Variants in BRDT observed in about 807,000 individuals in gnomAD.
BRDT encodes bromodomain testis associated, also known as bromodomain testis-specific protein.
In BRDT, 77 loss-of-function variants were observed where a neutral mutation model predicts 113.9. The observed-to-expected ratio is 0.68, with a 90% CI of 0.56 to 0.82. BRDT has a LOEUF of 0.82. BRDT is among the 40% of genes least tolerant of loss of function. The pLI, the probability that BRDT is intolerant of heterozygous loss-of-function variation, is 0.00. For synonymous variants in BRDT, 358 were observed against 366.5 expected (o/e 0.98, Z 0.26); for missense variants, 1,027 against 1,105.4 (o/e 0.93, Z 1.01).
chr1:91,967,881 G>A (rs920163305), intron 3 of BRDT, among the ~76,000 whole-genome samples: 2 of 152,182 alleles, frequency 1.3e-5, no homozygotes, highest in Non-Finnish European at 2.9e-5. Context: ...TGCTTGGATT[G>A]TAATTCTTTA....
At chr1:91,990,200 G>A (rs1685634839) in intron 12 of BRDT, among the ~76,000 whole-genome samples, 1 of 152,194 alleles carries the variant, frequency 6.6e-6, no homozygotes, top group Non-Finnish European at 1.5e-5. Flanking sequence ...CTCTTTTTAT[G>A]TCTGCTTCTA....
Position 91,977,348 on chromosome 1 carries a change from C to A in BRDT, c.924C>A (p.Asn308Lys). The change falls in exon 6 of 19, where the codon AAC (asparagine) becomes AAA (lysine). Residue 308 changes from asparagine (N) to lysine (K), a missense_variant. Transcript: ENST00000399546. ...ACGTTAATGCTTTGGGACTCCATAACTACTATGACGTTGTCAAAAATCCGA... is the reference window on the plus strand; with the variant it reads ...ACGTTAATGCTTTGGGACTCCATAAATACTATGACGTTGTCAAAAATCCGA... ...PVDVNALGLH[N>K]YYDVVKNPMD... The A allele has an allele frequency of 2.5e-6, 4 of 1,610,330 alleles. No individual in the cohort carries two copies. The highest frequency in any genetic ancestry group is 3.4e-6 in the Non-Finnish European group (4 of 1,178,844).
chr1:91,969,142 A>G (rs904720965), intron 4 of BRDT, among the ~76,000 whole-genome samples: 13 of 151,590 alleles, frequency 8.6e-5, no homozygotes, highest in African/African-American at 1.5e-4. Flanking sequence ...GGGTTTCACC[A>G]TGTTAGCCAG....
In BRDT at chr1:92,000,215, A is replaced by G. The variant is rs545853051; in HGVS notation, c.2288-1834A>G. ...TTTAATCCTTCCTCTTTAATTGTCAATAATGGCACTATCACCACTTACCAA... is the reference window on the plus strand; with the variant it reads ...TTTAATCCTTCCTCTTTAATTGTCAGTAATGGCACTATCACCACTTACCAA... On this transcript the variant is annotated intron_variant, in intron 15 of 18. Coordinates refer to ENST00000399546, the MANE Select transcript of BRDT (RefSeq NM_207189.4). 7.2e-5 allele frequency among the ~76,000 whole-genome samples: 11 copies of G among 152,326 alleles called. No homozygotes were observed. In the East Asian group the frequency reaches 1.9e-3, roughly 27 times the overall value.
intron 4 of BRDT, among the ~76,000 whole-genome samples, chr1:91,970,792 C>G (rs1048877110): frequency 6.6e-6 from 1 of 151,654 alleles, no homozygotes; most frequent in Non-Finnish European, 1.5e-5. Context: ...ACTTGTAGTT[C>G]CAGCTCCTCA....
At chr1:91,994,331 C>A in intron 15 of BRDT, 77 bp downstream of exon 15, 1 of 1,174,846 alleles carries the variant, frequency 8.5e-7, no homozygotes, top group Non-Finnish European at 1.2e-6. Flanking sequence ...ATGTTATGGT[C>A]ATCTTAAATG....
intron 4 of BRDT, among the ~76,000 whole-genome samples, chr1:91,973,246 G>T (rs1481615789): frequency 6.6e-6 from 1 of 152,186 alleles, no homozygotes; most frequent in Non-Finnish European, 1.5e-5. Context: ...TTTGGCTTAG[G>T]ATTGACTTGG....
intron 1 of BRDT, among the ~76,000 whole-genome samples, chr1:91,956,523 G>A (rs1352499861): frequency 2.0e-5 from 3 of 152,172 alleles, no homozygotes; most frequent in Admixed American, 1.3e-4. Context: ...CACTTGAAAT[G>A]TGGCTAAGTT....
chr1:91,986,991 G>A (rs562242706), intron 12 of BRDT, among the ~76,000 whole-genome samples: 1 of 151,850 alleles, frequency 6.6e-6, no homozygotes, highest in Non-Finnish European at 1.5e-5. Context: ...AGGCTGGAGG[G>A]CAGTGGCTCG....
chr1:91,996,347 C>T lies in BRDT; in HGVS notation c.2287+2093C>T, dbSNP rs542047117. On this transcript the variant is annotated intron_variant, in intron 15 of 18. Transcript: ENST00000399546. ...CACCGCAACCTCTGCCTCCCGGGTT[C>T]AAGCAATTCTCATGCCTCAGCCACC... Among the ~76,000 whole-genome samples the T allele has an allele frequency of 1.2e-3, 178 of 152,300 alleles. 1 individual carries two copies. The highest frequency in any genetic ancestry group is 3.3e-3 in the South Asian group (16 of 4,824).
intron 1 of BRDT, among the ~76,000 whole-genome samples, chr1:91,956,409 T>C (rs1023522681): frequency 1.3e-5 from 2 of 151,994 alleles, no homozygotes; most frequent in Non-Finnish European, 2.9e-5. Flanking sequence ...TTTTGTAAAA[T>C]AGGCCATTTT....
At chr1:91,974,609 G>A (rs1203858209) in intron 4 of BRDT, among the ~76,000 whole-genome samples, 30 of 152,198 alleles carry the variant, frequency 2.0e-4, no homozygotes, top group South Asian at 8.3e-4. Flanking sequence ...TTAGAATGGC[G>A]ATCATTAAAA....
chr1:91,968,350 A>ACAT (rs1683281022), intron 4 of BRDT, 90 bp downstream of exon 4: 2 of 1,495,578 alleles, frequency 1.3e-6, no homozygotes, highest in Admixed American at 4.6e-5. Context: ...AAGGAGACAG[A>ACAT]CATCCAGAAG....
At chr1:91,995,830 G>A (rs1686276128) in intron 15 of BRDT, among the ~76,000 whole-genome samples, 1 of 151,910 alleles carries the variant, frequency 6.6e-6, no homozygotes, top group Non-Finnish European at 1.5e-5. Flanking sequence ...TAGAGACAGG[G>A]TTTCACCATG....
At chr1:91,977,696 C>A (rs928662591) in intron 6 of BRDT, among the ~76,000 whole-genome samples, 3 of 143,414 alleles carry the variant, frequency 2.1e-5, no homozygotes, top group Non-Finnish European at 4.5e-5. Flanking sequence ...GGCGAAACTT[C>A]GTCTCTACTA....
intron 18 of BRDT, among the ~76,000 whole-genome samples, chr1:92,013,435 A>G (rs995938012): frequency 2.0e-5 from 3 of 152,158 alleles, no homozygotes; most frequent in Non-Finnish European, 4.4e-5. Context: ...CTGATTGCAA[A>G]TTGGTGCTTT....
Position 91,962,722 on chromosome 1 carries a change from T to C in BRDT, c.-33T>C, listed in dbSNP as rs200800858. 1 of 1,512,890 alleles carries C rather than the reference T, an allele frequency of 6.6e-7. No homozygotes were observed. The highest frequency in any genetic ancestry group is 8.8e-7 in the Non-Finnish European group (1 of 1,131,634). 93.7% of individuals were successfully genotyped at this position (1,512,890 alleles called of 1,614,324 possible). A position where few individuals can be genotyped will look rare whatever the true frequency, so the allele number is the denominator to read the frequency against. ...TACTCAGTTTTTGTTTTTCAGGACA[T>C]GTACTTGTAGACAGGATTCAAAGCA... On this transcript the variant is annotated 5_prime_UTR_variant, in exon 2 of 19. It removes an upstream start codon present in the reference 5' UTR. Coordinates refer to ENST00000399546, the MANE Select transcript of BRDT (RefSeq NM_207189.4).
Position 91,994,150 on chromosome 1 carries a change from A to T in BRDT, c.2183A>T (p.His728Leu), listed in dbSNP as rs1686054259. 6.2e-7 allele frequency: 1 copy of T among 1,613,782 alleles called. No homozygotes were observed. Among genetic ancestry groups the T allele is most frequent in the Non-Finnish European group, 8.5e-7 (1 of 1,179,794 alleles). ...TTLVHQTTPS[H>L]VMPPNHHQLA... ...CTTGTTCATCAGACCACACCTTCAC[A>T]TGTAATGCCACCAAATCACCACCAA... Residue 728 changes from histidine (H) to leucine (L), a missense_variant, in exon 15 of 19, where the codon CAT becomes CTT. Transcript: ENST00000399546.
At chr1:91,964,846 A>G in intron 3 of BRDT, 82 bp downstream of exon 3, 1 of 1,038,818 alleles carries the variant, frequency 9.6e-7, no homozygotes, top group Non-Finnish European at 1.3e-6. Context: ...TGATCATTTC[A>G]GATTTCAATT....
Sources: allele counts gnomAD v4.1 joint callset (sites outside exome capture counted in the v4.1 genomes callset), GRCh38; gene constraint gnomAD v4.1.1; transcripts MANE v1.5; gene names NCBI Gene and HGNC (gene_info 2026-07-23, HGNC 2026-07-21).